ASB3: variants seen among roughly 807,000 people sequenced by gnomAD.
The protein encoded by ASB3 is ankyrin repeat and SOCS box containing 3, also known as ankyrin repeat and SOCS box protein 3.
A neutral mutation model predicts 54.5 loss-of-function variants in ASB3; 41 were observed. The ratio of observed to expected loss-of-function variants is 0.75; its 90% CI spans 0.59 to 0.98. The LOEUF is 0.98. Among genes scored for constraint, ASB3 ranks in the 50% least tolerant of loss-of-function variants. ASB3 has a pLI of 0.00. For missense variants in ASB3, 733 were observed against 620.0 expected, an observed-to-expected ratio of 1.18 and a Z score of -1.94; for synonymous variants, 266 against 221.2, an observed-to-expected ratio of 1.20 and a Z score of -1.80.
intron 1 of ASB3, among the ~76,000 whole-genome samples, chr2:53,783,185 T>G (rs934756790): frequency 1.3e-4 from 20 of 152,212 alleles, no homozygotes; most frequent in African/African-American, 4.3e-4. Context: ...ATTTAAAAGT[T>G]ATAAGTGTTA....
At chr2:53,686,762 G>C (rs1668655225) in intron 9 of ASB3, among the ~76,000 whole-genome samples, 1 of 151,954 alleles carries the variant, frequency 6.6e-6, no homozygotes, top group Admixed American at 6.6e-5. Flanking sequence ...TGTTGCCCGG[G>C]CTGGAGTGCA....
intron 4 of ASB3, among the ~76,000 whole-genome samples, 168 bp from the exon 5 acceptor site, chr2:53,729,015 G>T (rs945823600): frequency 1.4e-4 from 22 of 151,734 alleles, no homozygotes; most frequent in South Asian, 6.2e-4. Context: ...TTGGCCAAAC[G>T]ATCAGATTAT....
At chr2:53,765,920 AAGAGCACCCTCTTTGGTGCTCCATTGAT>A (rs1482275528) in intron 1 of ASB3, among the ~76,000 whole-genome samples, 7 of 103,324 alleles carry the variant, frequency 6.8e-5, no homozygotes, top group Non-Finnish European at 1.3e-4. Flanking sequence ...CTCCATTGAT[AAGAGCACCCTCTTTGGTGCTCCATTGAT>A]AAGAGCACCT....
chr2:53,784,533 C>A (rs187124567), intron 1 of ASB3, among the ~76,000 whole-genome samples: 19 of 152,290 alleles, frequency 1.2e-4, no homozygotes, highest in African/African-American at 4.6e-4. Context: ...GTCAGCAGGG[C>A]TATTCTCTCT....
Position 53,714,305 on chromosome 2 carries a change from C to T in ASB3, c.980+79G>A, listed in dbSNP as rs73934977. On this transcript the variant is annotated intron_variant, in intron 7 of 9. Coordinates refer to ENST00000263634, the MANE Select transcript of ASB3 (RefSeq NM_016115.5). ...CACTAACAGAGATACTAAGTTTCAT[C>T]GTGAAAGAAAGTCACTTCAAAACAC... is the stretch of plus-strand genomic sequence containing the variant. 2.4e-3 allele frequency: 3,698 copies of T among 1,517,830 alleles called. 70 individuals are homozygous for T. The African/African-American group carries it at 0.046, about 19-fold the overall frequency. The allele number at this position is 1,517,830 out of a possible 1,614,324, so 94.0% of individuals were successfully genotyped here. A position where few individuals can be genotyped will look rare whatever the true frequency, so the allele number is the denominator to read the frequency against.
intron 1 of ASB3, among the ~76,000 whole-genome samples, chr2:53,773,635 T>C (rs1213861176): frequency 1.3e-5 from 2 of 151,948 alleles, no homozygotes; most frequent in Non-Finnish European, 2.9e-5. Context: ...TTCACCATCT[T>C]GGCCAGGCTG....
At chr2:53,768,021 G>A (rs962271055) in intron 1 of ASB3, 1 of 1,613,208 alleles carries the variant, frequency 6.2e-7, no homozygotes, top group Non-Finnish European at 8.5e-7. Context: ...TCCCCGGCAA[G>A]GTGAGGCGCC....
intron 9 of ASB3, among the ~76,000 whole-genome samples, chr2:53,691,996 A>G (rs1401780002): frequency 6.6e-6 from 1 of 152,214 alleles, no homozygotes; most frequent in Non-Finnish European, 1.5e-5. Context: ...CCTCGGCGCT[A>G]CTGACATTTG....
At chr2:53,728,606 A>G in intron 5 of ASB3, 106 bp downstream of exon 5, 1 of 1,349,578 alleles carries the variant, frequency 7.4e-7, no homozygotes, top group Non-Finnish European at 9.6e-7. Flanking sequence ...ACATAAAACC[A>G]TAAATTTCAC....
intron 3 of ASB3, among the ~76,000 whole-genome samples, chr2:53,731,637 A>G (rs907923751): frequency 6.6e-6 from 1 of 152,184 alleles, no homozygotes; most frequent in Non-Finnish European, 1.5e-5. Flanking sequence ...ATATACACTG[A>G]CAGTATCCAC....
chr2:53,769,617 C>T (rs963206728), intron 1 of ASB3, among the ~76,000 whole-genome samples: 3 of 152,170 alleles, frequency 2.0e-5, no homozygotes, highest in African/African-American at 7.2e-5. Flanking sequence ...GAGGCCTAGG[C>T]GGGTGGATCA....
At chr2:53,722,002 G>C (rs1670740079) in intron 5 of ASB3, among the ~76,000 whole-genome samples, 1 of 151,954 alleles carries the variant, frequency 6.6e-6, no homozygotes, top group Non-Finnish European at 1.5e-5. Context: ...CAACAAAGTT[G>C]ACATTACAAT....
intron 3 of ASB3, among the ~76,000 whole-genome samples, chr2:53,740,916 G>T (rs904469964): frequency 7.2e-5 from 11 of 152,294 alleles, no homozygotes; most frequent in African/African-American, 2.6e-4. Context: ...CTCCCCAGCA[G>T]CAGAGTCAAG....
At chr2:53,696,816 T>G (rs139215653) in intron 8 of ASB3, among the ~76,000 whole-genome samples, 43 of 152,306 alleles carry the variant, frequency 2.8e-4, no homozygotes, top group African/African-American at 9.6e-4. Flanking sequence ...AATCTAGAGA[T>G]GACAAAGTAT....
chr2:53,757,982 G>A lies in ASB3; in HGVS notation c.197-7041C>T, dbSNP rs117274071. Among the ~76,000 whole-genome samples the A allele has an allele frequency of 1.1e-3, 173 of 152,234 alleles. 1 individual carries two copies. In the East Asian group the frequency reaches 0.021, roughly 18 times the overall value. ...CAACATAATAGATCAGGATGAAAGC[G>A]AATTAAGTAACTCAAGGAGAGAAGA... On this transcript the variant is annotated intron_variant, in intron 2 of 9. Transcript: ENST00000263634.
chr2:53,717,369 A>T (rs1670456534), intron 5 of ASB3, among the ~76,000 whole-genome samples: 1 of 152,306 alleles, frequency 6.6e-6, no homozygotes, highest in Admixed American at 6.5e-5. Flanking sequence ...TAAAACTAAT[A>T]TTGACTATAC....
intron 1 of ASB3, among the ~76,000 whole-genome samples, chr2:53,767,116 T>C (rs1348623391): frequency 1.3e-5 from 2 of 152,162 alleles, no homozygotes; most frequent in Non-Finnish European, 2.9e-5. Context: ...TGTATACAAA[T>C]TCAGGTTCCC....
chr2:53,755,984 C>A (rs1457707732), intron 2 of ASB3, among the ~76,000 whole-genome samples: 2 of 151,398 alleles, frequency 1.3e-5, no homozygotes, highest in East Asian at 3.9e-4. Context: ...AAGACCCCCC[C>A]CCCACCTCTA....
intron 1 of ASB3, among the ~76,000 whole-genome samples, chr2:53,783,745 C>T (rs1674782143): frequency 6.6e-6 from 1 of 152,144 alleles, no homozygotes; most frequent in South Asian, 2.1e-4. Flanking sequence ...TATTCCCAAG[C>T]TATCATTAAA....
Sources: allele counts gnomAD v4.1 joint callset (sites outside exome capture counted in the v4.1 genomes callset), GRCh38; gene constraint gnomAD v4.1.1; transcripts MANE v1.5; gene names NCBI Gene and HGNC (gene_info 2026-07-23, HGNC 2026-07-21).